Variants in GALNTL6 observed in about 807,000 individuals in gnomAD.
GALNTL6 encodes the protein polypeptide N-acetylgalactosaminyltransferase-like 6.
GALNTL6 carries 46 observed loss-of-function variants against 73.7 expected under a neutral mutation model. The ratio of observed to expected loss-of-function variants is 0.62; its 90% CI spans 0.49 to 0.80. The LOEUF (loss-of-function observed/expected upper bound fraction) is 0.80. Among genes scored for constraint, GALNTL6 ranks in the 30% least tolerant of loss-of-function variants. The pLI is 0.00. For missense variants in GALNTL6, 604 were observed against 755.0 expected (o/e 0.80, Z 2.34); for synonymous variants, 259 against 263.7 (o/e 0.98, Z 0.17).
At chr4:172,862,046 T>G (rs1358569096) in intron 7 of GALNTL6, among the ~76,000 whole-genome samples, 1 of 152,188 alleles carries the variant, frequency 6.6e-6, no homozygotes, top group East Asian at 1.9e-4. Flanking sequence ...TGGAACTGTT[T>G]GGAGGGCTCA....
At chr4:171,915,185 G>T (rs112802046) in intron 2 of GALNTL6, among the ~76,000 whole-genome samples, 131 of 152,108 alleles carry the variant, frequency 8.6e-4, no homozygotes, top group African/African-American at 2.7e-3. Flanking sequence ...TTATTGAATG[G>T]CACAGCATCA....
At chr4:172,426,410 C>T (rs1731230287) in intron 5 of GALNTL6, among the ~76,000 whole-genome samples, 1 of 152,104 alleles carries the variant, frequency 6.6e-6, no homozygotes, top group African/African-American at 2.4e-5. Context: ...TTAACAATAT[C>T]ACACAAGGAC....
intron 10 of GALNTL6, among the ~76,000 whole-genome samples, chr4:173,006,891 G>A (rs372356212): frequency 1.3e-5 from 2 of 152,300 alleles, no homozygotes; most frequent in South Asian, 2.1e-4. Context: ...GAAATCTGTA[G>A]GCAAAACCAG....
chr4:172,581,893 A>G (rs988198466), intron 5 of GALNTL6, among the ~76,000 whole-genome samples: 3 of 152,222 alleles, frequency 2.0e-5, no homozygotes, highest in African/African-American at 7.2e-5. Flanking sequence ...AGACCAGGTC[A>G]GGATAGATCT....
intron 2 of GALNTL6, among the ~76,000 whole-genome samples, chr4:172,045,003 G>C (rs537660709): frequency 7.6e-4 from 116 of 152,104 alleles, no homozygotes; most frequent in African/African-American, 2.1e-3. Context: ...AGCCTGTGCT[G>C]TGTATCACCA....
chr4:172,569,964 C>T (rs969873756), intron 5 of GALNTL6, among the ~76,000 whole-genome samples: 1 of 152,076 alleles, frequency 6.6e-6, no homozygotes, highest in African/African-American at 2.4e-5. Flanking sequence ...TAATATAGTA[C>T]CAGGAGGAAG....
At chr4:172,803,916 G>A (rs527638373) in intron 5 of GALNTL6, among the ~76,000 whole-genome samples, 1 of 152,188 alleles carries the variant, frequency 6.6e-6, no homozygotes, top group African/African-American at 2.4e-5. Context: ...AGATAATTGT[G>A]AAATGCCTAT....
At chr4:172,056,434 G>A (rs1264143154) in intron 2 of GALNTL6, among the ~76,000 whole-genome samples, 2 of 151,996 alleles carry the variant, frequency 1.3e-5, no homozygotes, top group East Asian at 1.9e-4. Context: ...ACTCTCTCCT[G>A]AGAATATTTC....
chr4:172,318,660 C>T (rs1263556013), intron 4 of GALNTL6, among the ~76,000 whole-genome samples: 4 of 152,018 alleles, frequency 2.6e-5, no homozygotes, highest in Non-Finnish European at 5.9e-5. Flanking sequence ...CAAGATCGCA[C>T]CATTGCACTC....
intron 2 of GALNTL6, among the ~76,000 whole-genome samples, chr4:172,111,726 C>T (rs1346657784): frequency 6.6e-6 from 1 of 151,902 alleles, no homozygotes; most frequent in East Asian, 1.9e-4. Context: ...TGTAGTACTA[C>T]TACTTATATA....
intron 2 of GALNTL6, among the ~76,000 whole-genome samples, chr4:171,854,094 A>G (rs1735610990): frequency 6.6e-6 from 1 of 152,166 alleles, no homozygotes; most frequent in Non-Finnish European, 1.5e-5. Flanking sequence ...ATACGCATAT[A>G]CTCTTGCTGG....
chr4:172,067,390 C>G (rs1358134294), intron 2 of GALNTL6, among the ~76,000 whole-genome samples: 1 of 151,916 alleles, frequency 6.6e-6, no homozygotes, highest in African/African-American at 2.4e-5. Context: ...TACGCTCTAC[C>G]TCAGTGATTT....
intron 2 of GALNTL6, among the ~76,000 whole-genome samples, chr4:172,197,586 T>A (rs1458608995): frequency 6.6e-6 from 1 of 152,072 alleles, no homozygotes; most frequent in Non-Finnish European, 1.5e-5. Flanking sequence ...GGTACAAAAA[T>A]AGACACATAG....
chr4:171,967,220 G>T (rs1167384063), intron 2 of GALNTL6, among the ~76,000 whole-genome samples: 9 of 152,198 alleles, frequency 5.9e-5, no homozygotes, highest in African/African-American at 2.2e-4. Context: ...TTATAAACAA[G>T]TGTTTGCTCT....
At chr4:172,218,566 T>C (rs922019946) in intron 2 of GALNTL6, among the ~76,000 whole-genome samples, 1 of 152,084 alleles carries the variant, frequency 6.6e-6, no homozygotes, top group Non-Finnish European at 1.5e-5. Flanking sequence ...TGGGACTCTC[T>C]AGATTTTCAT....
At chr4:172,586,578 T>C (rs1350785507) in intron 5 of GALNTL6, among the ~76,000 whole-genome samples, 1 of 151,202 alleles carries the variant, frequency 6.6e-6, no homozygotes, top group Non-Finnish European at 1.5e-5. Flanking sequence ...ATGAACAAAA[T>C]GTAGGCTGTG....
At chr4:172,651,154 G>T (rs2111150942) in intron 5 of GALNTL6, among the ~76,000 whole-genome samples, 1 of 152,246 alleles carries the variant, frequency 6.6e-6, no homozygotes, top group Middle Eastern at 3.4e-3. Flanking sequence ...CTGGATTCCA[G>T]GCCTGCTTTA....
chr4:171,839,096 CAT>C (rs1191963848), intron 2 of GALNTL6, among the ~76,000 whole-genome samples: 1 of 151,470 alleles, frequency 6.6e-6, no homozygotes, highest in African/African-American at 2.4e-5. Flanking sequence ...GTTCAGATAA[CAT>C]AGGTTATAGA....
chr4:172,691,617 G>C (rs115048075), intron 5 of GALNTL6, among the ~76,000 whole-genome samples: 6 of 152,310 alleles, frequency 3.9e-5, no homozygotes, highest in African/African-American at 1.4e-4. Flanking sequence ...GGCCCACAGA[G>C]ATGGTCAGGC....
Sources: gnomAD v4.1 joint callset for allele counts (sites outside exome capture counted in the v4.1 genomes callset) on GRCh38, gnomAD v4.1.1 for gene constraint, MANE v1.5 for transcripts, NCBI Gene and HGNC (gene_info 2026-07-23, HGNC 2026-07-21) for gene names.